Variants in AJAP1 observed in about 807,000 individuals in gnomAD.
AJAP1 encodes the protein adherens junction-associated protein 1.
In AJAP1, 5 loss-of-function variants were observed where a neutral mutation model predicts 35.0. The observed-to-expected ratio is 0.14, with a 90% CI of 0.07 to 0.30. The LOEUF (loss-of-function observed/expected upper bound fraction) is 0.30. Ranked by LOEUF, AJAP1 falls within the 10% of genes least tolerant of loss-of-function variation. The pLI is 1.00. For synonymous variants in AJAP1, 284 were observed against 249.3 expected (o/e 1.14, Z -1.31); for missense variants, 586 against 571.0 (o/e 1.03, Z -0.27).
intron 2 of AJAP1, among the ~76,000 whole-genome samples, chr1:4,752,103 G>A (rs1252812394): frequency 6.6e-6 from 1 of 151,904 alleles, no homozygotes; most frequent in African/African-American, 2.4e-5. Flanking sequence ...ACATGAGAAA[G>A]GGAAGCAGTA....
rs962030827 is a variant in AJAP1, at chr1:4,654,976, C to A, written c.-450C>A. ...AGCGCCGCCCCATCGGCGCGGAGCT[C>A]CGGCTGGAGGCAAGAGCCGCGCGCC... On this transcript the variant is annotated 5_prime_UTR_variant, in exon 1 of 6. Transcript: ENST00000378191. The surrounding 1 kb of genome is among the most constrained non-coding windows in gnomAD (Gnocchi z 5.1). The A allele has an allele frequency of 6.7e-6, 1 of 149,914 alleles. No individual in the cohort carries two copies. The highest frequency in any genetic ancestry group is 6.6e-5 in the Admixed American group (1 of 15,102). 9.3% of individuals were successfully genotyped at this position (149,914 alleles called of 1,614,324 possible).
At chr1:4,674,297 A>C (rs1639314992) in intron 1 of AJAP1, among the ~76,000 whole-genome samples, 1 of 152,168 alleles carries the variant, frequency 6.6e-6, no homozygotes. Context: ...CTTTGTAAAT[A>C]AAGTTTTATT....
chr1:4,776,452 T>G (rs1641941825), intron 5 of AJAP1, among the ~76,000 whole-genome samples: 1 of 152,204 alleles, frequency 6.6e-6, no homozygotes, highest in Non-Finnish European at 1.5e-5. Context: ...ACCCGATGGC[T>G]GCCTGGCTCC....
intron 1 of AJAP1, among the ~76,000 whole-genome samples, chr1:4,672,371 G>A (rs1639269221): frequency 6.6e-6 from 1 of 152,332 alleles, no homozygotes; most frequent in Non-Finnish European, 1.5e-5. Context: ...CATCTTGGGT[G>A]CATTACAGTG....
At chr1:4,757,010 G>A (rs766827170) in intron 2 of AJAP1, among the ~76,000 whole-genome samples, 1 of 152,154 alleles carries the variant, frequency 6.6e-6, no homozygotes, top group African/African-American at 2.4e-5. Context: ...CAGAGCCGGG[G>A]GTTCCCTGGA....
In AJAP1 at chr1:4,764,688, C is replaced by T. The variant is rs61439106; in HGVS notation, c.830-5165C>T. Among the ~76,000 whole-genome samples the T allele has an allele frequency of 8.9e-4, 136 of 152,266 alleles. 4 individuals are homozygous for T. The East Asian group carries it at 0.021, about 23-fold the overall frequency. On this transcript the variant is annotated intron_variant, in intron 2 of 5. Transcript: ENST00000378191. ...TTTGTTTGCATAATTCAGACGCTCC[C>T]GATTTCTGCATTGTGAAATCAGCTG...
chr1:4,658,339 C>T (rs1638928921), intron 1 of AJAP1, among the ~76,000 whole-genome samples: 1 of 152,200 alleles, frequency 6.6e-6, no homozygotes, highest in Non-Finnish European at 1.5e-5. Context: ...GTTCCCCAAG[C>T]CCTCTCAGTG....
chr1:4,760,217 A>G (rs1054991257), intron 2 of AJAP1, among the ~76,000 whole-genome samples: 10 of 142,970 alleles, frequency 7.0e-5, no homozygotes, highest in Non-Finnish European at 1.5e-5. Context: ...GTGTGTGTGA[A>G]TATGTAAGTG....
At chr1:4,667,588 G>A (rs774723790) in intron 1 of AJAP1, among the ~76,000 whole-genome samples, 25 of 152,228 alleles carry the variant, frequency 1.6e-4, no homozygotes, top group Non-Finnish European at 3.7e-4. Context: ...TAGTGCCCCT[G>A]GAAGAATCTA....
At chr1:4,691,821 A>G (rs1466107126) in intron 1 of AJAP1, among the ~76,000 whole-genome samples, 4 of 152,126 alleles carry the variant, frequency 2.6e-5, no homozygotes, top group Non-Finnish European at 5.9e-5. Context: ...GAGGGGGCCC[A>G]TGACCTGCAG....
chr1:4,758,623 CT>C (rs942949679), intron 2 of AJAP1, among the ~76,000 whole-genome samples: 1 of 152,184 alleles, frequency 6.6e-6, no homozygotes, highest in African/African-American at 2.4e-5. Context: ...CCCACTTGGT[CT>C]CTCCCTTGAC....
At chr1:4,779,292 G>A (rs963889466) in intron 5 of AJAP1, among the ~76,000 whole-genome samples, 1 of 152,068 alleles carries the variant, frequency 6.6e-6, no homozygotes. Context: ...AGAAGGATCT[G>A]ATGAGCCAGC....
intron 1 of AJAP1, among the ~76,000 whole-genome samples, chr1:4,673,411 CTCTTTCTG>C (rs1203898408): frequency 6.6e-6 from 1 of 151,830 alleles, no homozygotes; most frequent in Non-Finnish European, 1.5e-5. Flanking sequence ...TTTCTCTGTT[CTCTTTCTG>C]TCTTTCTTCT....
chr1:4,727,070 G>C (rs1049723382), intron 2 of AJAP1, among the ~76,000 whole-genome samples: 1 of 152,248 alleles, frequency 6.6e-6, no homozygotes, highest in Admixed American at 6.5e-5. Context: ...GGTTGCCATT[G>C]CTTCGCAGTT....
At chr1:4,756,515 T>C (rs188019814) in intron 2 of AJAP1, among the ~76,000 whole-genome samples, 39 of 152,200 alleles carry the variant, frequency 2.6e-4, no homozygotes, top group African/African-American at 9.4e-4. Context: ...AACTCACAAA[T>C]GTTTACGGAG....
intron 2 of AJAP1, among the ~76,000 whole-genome samples, chr1:4,752,217 CAG>C (rs1228496877): frequency 1.3e-5 from 2 of 148,572 alleles, no homozygotes; most frequent in South Asian, 2.2e-4. Context: ...GGAGGAGGGA[CAG>C]GGGGATGAGA....
At chr1:4,739,575 T>G (rs1641009620) in intron 2 of AJAP1, among the ~76,000 whole-genome samples, 3 of 152,258 alleles carry the variant, frequency 2.0e-5, no homozygotes, top group South Asian at 4.1e-4. Context: ...TCATCTTTTC[T>G]TAGTCATCTT....
rs1642167472 is a variant in AJAP1, at chr1:4,786,864, C to G, written c.*4379C>G. On this transcript the variant is annotated 3_prime_UTR_variant, in exon 6 of 6. Transcript: ENST00000378191. ...CCTTCTTTTGTCCACCTGTTGACAC[C>G]ATCACCCTCTTTCATCAAGGTGATC... is the stretch of plus-strand genomic sequence containing the variant. The G allele has an allele frequency of 6.6e-6, 1 of 152,244 alleles. No individual in the cohort carries two copies. Among genetic ancestry groups the G allele is most frequent in the Non-Finnish European group, 1.5e-5 (1 of 68,076 alleles). The allele number at this position is 152,244 out of a possible 1,614,324, so 9.4% of individuals were successfully genotyped here.
At chr1:4,714,560 AAATT>A (rs745983094) in intron 2 of AJAP1, among the ~76,000 whole-genome samples, 27 of 152,238 alleles carry the variant, frequency 1.8e-4, no homozygotes, top group Non-Finnish European at 3.8e-4. Context: ...TAGGCTTAGC[AAATT>A]AATTCACAGT....
Sources: gnomAD v4.1 joint callset for allele counts (sites outside exome capture counted in the v4.1 genomes callset) on GRCh38, gnomAD v4.1.1 for gene constraint, Gnocchi (gnomAD v3.1) non-coding constraint, MANE v1.5 for transcripts, NCBI Gene and HGNC (gene_info 2026-07-23, HGNC 2026-07-21) for gene names.